DNER: variants seen among roughly 807,000 people sequenced by gnomAD.
DNER encodes the protein delta and Notch-like epidermal growth factor-related receptor.
Under a neutral mutation model 78.2 loss-of-function variants are expected in DNER, and 33 were observed. The observed-to-expected ratio is 0.42, with a 90% CI of 0.32 to 0.56. DNER has a LOEUF of 0.56. Ranked by LOEUF, DNER falls within the 20% of genes least tolerant of loss-of-function variation. The pLI, the probability that DNER is intolerant of heterozygous loss-of-function variation, is 0.11. For synonymous variants in DNER, 417 were observed against 384.8 expected, an observed-to-expected ratio of 1.08 and a Z score of -0.98; for missense variants, 918 against 975.3, an observed-to-expected ratio of 0.94 and a Z score of 0.78.
intron 1 of DNER, among the ~76,000 whole-genome samples, chr2:229,592,951 G>A (rs77381623): frequency 0.014 from 2,184 of 152,180 alleles, 15 homozygotes; most frequent in South Asian, 0.023. Context: ...ATGGTAAAAC[G>A]GCTACTCGTT....
chr2:229,454,582 A>T (rs954163427), intron 7 of DNER, among the ~76,000 whole-genome samples: 6 of 150,876 alleles, frequency 4.0e-5, no homozygotes, highest in African/African-American at 1.5e-4. Context: ...ACCTCAGTAT[A>T]CATACTGAGG....
At chr2:229,457,666 A>C (rs1694605547) in intron 7 of DNER, among the ~76,000 whole-genome samples, 1 of 151,890 alleles carries the variant, frequency 6.6e-6, no homozygotes, top group South Asian at 2.1e-4. Flanking sequence ...TGAGAAAAAT[A>C]GAAAATAAAT....
intron 8 of DNER, among the ~76,000 whole-genome samples, chr2:229,429,935 A>T (rs1461033240): frequency 1.3e-5 from 2 of 151,946 alleles, no homozygotes; most frequent in Non-Finnish European, 2.9e-5. Context: ...TTGATTCCAA[A>T]CTCTGCATTT....
At chr2:229,358,700 G>T in intron 12 of DNER, 49 bp from the exon 13 acceptor site, 1 of 1,491,950 alleles carries the variant, frequency 6.7e-7, no homozygotes, top group Non-Finnish European at 9.3e-7. Context: ...TAGATCTCAA[G>T]TTTAATTAAA....
intron 1 of DNER, among the ~76,000 whole-genome samples, chr2:229,700,303 T>TGTGTGTGA (rs1699724242): frequency 2.0e-5 from 3 of 149,726 alleles, no homozygotes; most frequent in Non-Finnish European, 3.0e-5. Flanking sequence ...TGTGTGTGTG[T>TGTGTGTGA]GTGTGTGTGT....
intron 1 of DNER, among the ~76,000 whole-genome samples, chr2:229,622,393 G>T (rs978858428): frequency 2.5e-4 from 38 of 152,110 alleles, no homozygotes; most frequent in Non-Finnish European, 4.0e-4. Flanking sequence ...TCTCATAAAT[G>T]AATAGCTGAA....
At chr2:229,563,756 C>T (rs1265436053) in intron 4 of DNER, among the ~76,000 whole-genome samples, 1 of 147,884 alleles carries the variant, frequency 6.8e-6, no homozygotes, top group African/African-American at 2.5e-5. Context: ...TCATCATCAT[C>T]CTCCTCACCC....
intron 1 of DNER, among the ~76,000 whole-genome samples, chr2:229,640,891 G>A (rs549813431): frequency 6.6e-6 from 1 of 152,214 alleles, no homozygotes; most frequent in Non-Finnish European, 1.5e-5. Flanking sequence ...GTTCGGCTGA[G>A]TAGGTGCAGC....
chr2:229,426,342 G>A (rs1693876967), intron 8 of DNER, among the ~76,000 whole-genome samples: 1 of 150,638 alleles, frequency 6.6e-6, no homozygotes, highest in South Asian at 2.1e-4. Flanking sequence ...TCCAGAGGCT[G>A]AGGCAGGAGA....
chr2:229,607,500 T>G (rs555845830), intron 1 of DNER, among the ~76,000 whole-genome samples: 97 of 152,322 alleles, frequency 6.4e-4, no homozygotes, highest in African/African-American at 2.3e-3. Flanking sequence ...AATCCCATGC[T>G]TCTTTTTTGT....
In DNER at chr2:229,358,444, C is replaced by A; in HGVS notation, c.*96G>T. ...AAATATTCTACTGAAAACTCTTGAGCAGCTAGCATTTTAAATTTCTTAAGC... is the reference window on the plus strand; with the variant it reads ...AAATATTCTACTGAAAACTCTTGAGAAGCTAGCATTTTAAATTTCTTAAGC... On this transcript the variant is annotated 3_prime_UTR_variant, in exon 13 of 13. Transcript: ENST00000341772. 1 of 966,314 alleles carries A rather than the reference C, an allele frequency of 1.0e-6. No individual in the cohort carries two copies. The highest frequency in any genetic ancestry group is 2.8e-5 in the East Asian group (1 of 35,568). The allele number at this position is 966,314 out of a possible 1,614,324, so 59.9% of individuals were successfully genotyped here. A position where few individuals can be genotyped will look rare whatever the true frequency, so the allele number is the denominator to read the frequency against.
chr2:229,530,347 G>C lies in DNER; in HGVS notation c.993+16600C>G, dbSNP rs562674136. 6.6e-5 allele frequency among the ~76,000 whole-genome samples: 10 copies of C among 152,300 alleles called. No individual in the cohort carries two copies. The South Asian group carries it at 1.9e-3, about 28-fold the overall frequency. ...TGACCTTTGAACTCTGGGCAACTCT[G>C]GGACATTCCACATTTGCCAGGGCCT... On this transcript the variant is annotated intron_variant, in intron 5 of 12. Coordinates refer to ENST00000341772, the MANE Select transcript of DNER (RefSeq NM_139072.4).
intron 5 of DNER, among the ~76,000 whole-genome samples, chr2:229,513,273 T>A (rs1695908769): frequency 6.6e-6 from 1 of 152,220 alleles, no homozygotes. Flanking sequence ...GATAGTTTAA[T>A]GCTACAGCCA....
chr2:229,677,410 A>G (rs1321390053), intron 1 of DNER, among the ~76,000 whole-genome samples: 2 of 152,146 alleles, frequency 1.3e-5, no homozygotes, highest in Admixed American at 1.3e-4. Flanking sequence ...ATCATCATAG[A>G]TTTCAAGGGT....
intron 8 of DNER, among the ~76,000 whole-genome samples, chr2:229,433,902 T>A (rs1694068251): frequency 6.6e-6 from 1 of 152,224 alleles, no homozygotes; most frequent in Non-Finnish European, 1.5e-5. Flanking sequence ...TTTATGTTGC[T>A]TATCTTTTAA....
intron 4 of DNER, among the ~76,000 whole-genome samples, chr2:229,549,292 T>A (rs571118932): frequency 1.3e-5 from 2 of 152,130 alleles, no homozygotes; most frequent in African/African-American, 2.4e-5. Context: ...TACAAAAAAA[T>A]TATATTCATT....
intron 1 of DNER, among the ~76,000 whole-genome samples, chr2:229,599,363 AAACAAAG>A (rs1285169561): frequency 6.6e-6 from 1 of 152,230 alleles, no homozygotes; most frequent in Non-Finnish European, 1.5e-5. Flanking sequence ...GTGTCTTATT[AAACAAAG>A]AACAAAAACA....
At chr2:229,599,260 C>T (rs893834495) in intron 1 of DNER, among the ~76,000 whole-genome samples, 39 of 152,200 alleles carry the variant, frequency 2.6e-4, no homozygotes, top group African/African-American at 8.9e-4. Context: ...GTAAAGTGGA[C>T]CATTACGTTA....
At chr2:229,459,483 C>A (rs1023084264) in intron 7 of DNER, among the ~76,000 whole-genome samples, 1 of 152,076 alleles carries the variant, frequency 6.6e-6, no homozygotes, top group Non-Finnish European at 1.5e-5. Context: ...TTATGCCGAG[C>A]AATTGGTATC....
Sources: allele counts gnomAD v4.1 joint callset (sites outside exome capture counted in the v4.1 genomes callset), GRCh38; gene constraint gnomAD v4.1.1; transcripts MANE v1.5; gene names NCBI Gene and HGNC (gene_info 2026-07-23, HGNC 2026-07-21).